The following ZBTB5 variants were observed in gnomAD, a reference collection of about 807,000 sequenced individuals.
The protein encoded by ZBTB5 is zinc finger and BTB domain-containing protein 5.
In ZBTB5, 15 loss-of-function variants were observed where a neutral mutation model predicts 37.9. That is an observed-to-expected ratio of 0.40 (90% CI 0.26 to 0.61). ZBTB5 has a LOEUF of 0.61. Ranked by LOEUF, ZBTB5 falls within the 20% of genes least tolerant of loss-of-function variation. The pLI, the probability that ZBTB5 is intolerant of heterozygous loss-of-function variation, is 0.47. For missense variants in ZBTB5, 708 were observed against 856.8 expected (o/e 0.83, Z 2.17); for synonymous variants, 315 against 312.4 (o/e 1.01, Z -0.09).
intron 1 of ZBTB5, among the ~76,000 whole-genome samples, chr9:37,458,704 T>A (rs1157060083): frequency 6.6e-6 from 1 of 152,218 alleles, no homozygotes; most frequent in African/African-American, 2.4e-5. Context: ...GAAATGTGAT[T>A]TTTTTACATT....
chr9:37,449,008 T>C (rs1261808819), intron 1 of ZBTB5, among the ~76,000 whole-genome samples: 3 of 152,124 alleles, frequency 2.0e-5, no homozygotes, highest in African/African-American at 7.2e-5. Flanking sequence ...CACGCCACTG[T>C]ACTCCAGCCT....
chr9:37,451,838 T>C (rs755851825), intron 1 of ZBTB5, among the ~76,000 whole-genome samples: 3 of 152,098 alleles, frequency 2.0e-5, no homozygotes, highest in Non-Finnish European at 4.4e-5. Flanking sequence ...AGTCAGTTCC[T>C]GGGTGGGGAA....
intron 1 of ZBTB5, among the ~76,000 whole-genome samples, chr9:37,445,475 C>T (rs1823958852): frequency 6.6e-6 from 1 of 151,840 alleles, no homozygotes; most frequent in Admixed American, 6.6e-5. Context: ...GGCAAAACCC[C>T]ATCTCTTACT....
chr9:37,440,842 T>G lies in ZBTB5; in HGVS notation c.1710A>C (p.Ser570=). ...GCTGGGAAGGATGGCCATTTTCAAA[T>G]GAGGACGTAGCTCCATTCATCATTA... ...SQLMMNGATS[S]FENGHPSQPG... The change falls in exon 2 of 2, where the codon TCA becomes TCC. Residue 570 remains serine, a synonymous_variant. Transcript: ENST00000307750. 6 of 1,614,188 alleles carry G rather than the reference T, an allele frequency of 3.7e-6. No individual in the cohort carries two copies. Among genetic ancestry groups the G allele is most frequent in the Non-Finnish European group, 5.1e-6 (6 of 1,180,028 alleles).
At chr9:37,458,204 T>A (rs1470665294) in intron 1 of ZBTB5, among the ~76,000 whole-genome samples, 1 of 152,222 alleles carries the variant, frequency 6.6e-6, no homozygotes, top group African/African-American at 2.4e-5. Flanking sequence ...ATGCCAAACA[T>A]CTGTGCTGAA....
intron 1 of ZBTB5, among the ~76,000 whole-genome samples, chr9:37,447,331 C>T (rs1824008224): frequency 6.6e-6 from 1 of 152,208 alleles, no homozygotes; most frequent in African/African-American, 2.4e-5. Context: ...ACCTCCTTCC[C>T]TTCATGTGGG....
At chr9:37,444,811 G>A (rs1823946290) in intron 1 of ZBTB5, among the ~76,000 whole-genome samples, 1 of 152,184 alleles carries the variant, frequency 6.6e-6, no homozygotes, top group African/African-American at 2.4e-5. Context: ...GACTAAGATT[G>A]TAGGAAACAG....
rs1823872630 is a variant in ZBTB5 at position 37,441,420 on chromosome 9, T to C, written c.1132A>G (p.Ser378Gly). Reference sequence around the variant, plus strand: ...GTGCTAGACTGGGGATCTGAAAAACTCCGATCACTGCTTTCAGGGCTGAGG... The same window carrying C: ...GTGCTAGACTGGGGATCTGAAAAACCCCGATCACTGCTTTCAGGGCTGAGG... ...IDLSPESSDRSFSDPQSSTDR... is the reference protein window; with the variant it reads ...IDLSPESSDRGFSDPQSSTDR... The change falls in exon 2 of 2, where the codon AGT becomes GGT. Residue 378 changes from serine to glycine, a missense_variant. Ser to Gly is a moderately conservative substitution (Grantham distance 56). This residue lies in a region of ZBTB5 where 639 missense variants were observed against 690.5 expected (regional missense o/e 0.93). Transcript: ENST00000307750. 1 of 1,613,616 alleles carries C rather than the reference T, an allele frequency of 6.2e-7. No homozygotes were observed. The highest frequency in any genetic ancestry group is 8.5e-7 in the Non-Finnish European group (1 of 1,179,976).
chr9:37,442,475 C>A lies in ZBTB5; in HGVS notation c.77G>T (p.Cys26Phe). The change falls in exon 2 of 2, where the codon TGT becomes TTT. Residue 26 changes from cysteine to phenylalanine, a missense_variant. Cys to Phe is a radical substitution (Grantham distance 205, BLOSUM62 -2). Transcript: ENST00000307750. ...YQRLHGQLCD[C>F]VIVVGNRHFK... is the part of the protein sequence containing the mutation. ...GTGTCTATTCCCCACTACAATGACA[C>A]AATCACAGAGCTGGCCATGAAGTCT... 6.2e-7 allele frequency: 1 copy of A among 1,614,154 alleles called. No homozygotes were observed. The highest frequency in any genetic ancestry group is 8.5e-7 in the Non-Finnish European group (1 of 1,180,018).
intron 1 of ZBTB5, among the ~76,000 whole-genome samples, chr9:37,451,429 A>G (rs960690544): frequency 1.3e-5 from 2 of 151,812 alleles, no homozygotes; most frequent in East Asian, 1.9e-4. Flanking sequence ...GTGGTGGCGC[A>G]GGCCTGTAAT....
At chr9:37,457,554 T>C (rs1229555128) in intron 1 of ZBTB5, among the ~76,000 whole-genome samples, 3 of 152,260 alleles carry the variant, frequency 2.0e-5, no homozygotes, top group African/African-American at 4.8e-5. Flanking sequence ...AAGTGCTTAC[T>C]TGTTCAAGGT....
intron 1 of ZBTB5, among the ~76,000 whole-genome samples, chr9:37,459,712 AT>A (rs35037575): frequency 0.82 from 98,026 of 119,916 alleles, 40,346 homozygotes; most frequent in East Asian, 0.9. Flanking sequence ...TGCCCAGCTA[AT>A]TTTTTTTTTT....
intron 1 of ZBTB5, among the ~76,000 whole-genome samples, chr9:37,457,581 T>C (rs1017881766): frequency 1.3e-5 from 2 of 152,226 alleles, no homozygotes; most frequent in African/African-American, 2.4e-5. Flanking sequence ...CTGTGGAGCA[T>C]AGATTTGTAT....
intron 1 of ZBTB5, among the ~76,000 whole-genome samples, chr9:37,450,037 C>T (rs1824073599): frequency 6.6e-6 from 1 of 152,114 alleles, no homozygotes. Flanking sequence ...GCTATATAAA[C>T]GTCACACGTG....
chr9:37,454,764 C>A (rs1246238877), intron 1 of ZBTB5, among the ~76,000 whole-genome samples: 2 of 152,198 alleles, frequency 1.3e-5, no homozygotes, highest in Admixed American at 1.3e-4. Flanking sequence ...TCATTCATAA[C>A]AAAAACCGCA....
chr9:37,456,677 A>G (rs1386697529), intron 1 of ZBTB5, among the ~76,000 whole-genome samples: 4 of 152,216 alleles, frequency 2.6e-5, no homozygotes, highest in Non-Finnish European at 5.9e-5. Flanking sequence ...TTAGTGCCCT[A>G]CTTAGGTTCC....
intron 1 of ZBTB5, among the ~76,000 whole-genome samples, chr9:37,445,413 T>G (rs1213417473): frequency 1.3e-5 from 2 of 151,986 alleles, no homozygotes; most frequent in Non-Finnish European, 2.9e-5. Flanking sequence ...GAGACCGAGG[T>G]AGGTGGGTCC....
rs1823840638 is a variant in ZBTB5, at chr9:37,440,394, T to C, written c.*124A>G. 1 of 708,494 alleles carries C rather than the reference T, an allele frequency of 1.4e-6. No individual in the cohort carries two copies. Among genetic ancestry groups the C allele is most frequent in the Non-Finnish European group, 2.3e-6 (1 of 432,208 alleles). The allele number at this position is 708,494 out of a possible 1,614,324, so 43.9% of individuals were successfully genotyped here. ...TACTACATGTTAGTTCTCCGGTTAT[T>C]AGTTGCTAAACTGTTTAAGAGCCAC... is the stretch of plus-strand genomic sequence containing the variant. On this transcript the variant is annotated 3_prime_UTR_variant, in exon 2 of 2. Transcript: ENST00000307750.
chr9:37,464,046 T>G (rs1824343381), intron 1 of ZBTB5, among the ~76,000 whole-genome samples: 1 of 152,156 alleles, frequency 6.6e-6, no homozygotes, highest in African/African-American at 2.4e-5. Context: ...TCTCTAAAAT[T>G]CCTTGTCTTC....
Sources: gnomAD v4.1 joint callset for allele counts (sites outside exome capture counted in the v4.1 genomes callset) on GRCh38, gnomAD v4.1.1 for gene constraint, gnomAD v4.1.1 regional missense constraint, MANE v1.5 for transcripts, NCBI Gene and HGNC (gene_info 2026-07-23, HGNC 2026-07-21) for gene names.